Variants in ST7 observed in about 807,000 individuals in gnomAD.
The protein encoded by ST7 is suppression of tumorigenicity 7, also known as suppressor of tumorigenicity 7 protein.
Under a neutral mutation model 78.7 loss-of-function variants are expected in ST7, and 28 were observed. That is an observed-to-expected ratio of 0.36 (90% CI 0.26 to 0.49). The LOEUF is 0.49. Among genes scored for constraint, ST7 ranks in the 20% least tolerant of loss-of-function variants. The pLI is 0.99. For synonymous variants in ST7, 247 were observed against 249.6 expected (o/e 0.99, Z 0.10); for missense variants, 418 against 696.0 (o/e 0.60, Z 4.49).
intron 1 of ST7, among the ~76,000 whole-genome samples, chr7:117,042,467 G>T (rs1042633209): frequency 6.6e-6 from 1 of 152,176 alleles, no homozygotes; most frequent in African/African-American, 2.4e-5. Flanking sequence ...TATTGCCTCT[G>T]TCTGGGCTAG....
intron 9 of ST7, among the ~76,000 whole-genome samples, chr7:117,149,487 T>G (rs1369168928): frequency 1.3e-5 from 2 of 152,034 alleles, no homozygotes; most frequent in Non-Finnish European, 2.9e-5. Context: ...CTGCTCCTAC[T>G]CTGATGGGCT....
At chr7:116,954,556 C>T (rs1045688535) in intron 1 of ST7, 2 of 152,178 alleles carry the variant, frequency 1.3e-5, no homozygotes, top group African/African-American at 4.8e-5. Flanking sequence ...TGGAGCCAGC[C>T]CACTGAGTCG....
chr7:117,228,265 C>T (rs952411223), intron 15 of ST7, among the ~76,000 whole-genome samples: 3 of 152,194 alleles, frequency 2.0e-5, no homozygotes, highest in African/African-American at 7.2e-5. Flanking sequence ...TTGTTTGGGC[C>T]TCTATCCTGA....
At chr7:117,149,681 T>C (rs1390712464) in intron 9 of ST7, among the ~76,000 whole-genome samples, 1 of 151,984 alleles carries the variant, frequency 6.6e-6, no homozygotes, top group East Asian at 1.9e-4. Context: ...GTGGTTTTTT[T>C]GTTTTTCTTA....
At chr7:117,186,476 G>T (rs1480587274) in intron 10 of ST7, among the ~76,000 whole-genome samples, 1 of 152,182 alleles carries the variant, frequency 6.6e-6, no homozygotes, top group Non-Finnish European at 1.5e-5. Context: ...GAGCAGGGCA[G>T]TAACAAGATC....
At chr7:117,114,398 T>C (rs889708352) in intron 2 of ST7, among the ~76,000 whole-genome samples, 1 of 151,802 alleles carries the variant, frequency 6.6e-6, no homozygotes, top group African/African-American at 2.4e-5. Context: ...AGATAATCCC[T>C]TTTGCCAAAA....
chr7:116,978,646 C>T (rs1271337523), intron 1 of ST7, among the ~76,000 whole-genome samples: 2 of 152,142 alleles, frequency 1.3e-5, no homozygotes, highest in Non-Finnish European at 2.9e-5. Flanking sequence ...AGTGCAGTGG[C>T]ATAATCTTGG....
intron 1 of ST7, among the ~76,000 whole-genome samples, chr7:117,054,908 A>G (rs1337287623): frequency 1.3e-5 from 2 of 152,214 alleles, no homozygotes. Context: ...ATGAATTAGG[A>G]ATATTAGGCA....
At chr7:116,978,465 G>A (rs1287890644) in intron 1 of ST7, among the ~76,000 whole-genome samples, 1 of 152,134 alleles carries the variant, frequency 6.6e-6, no homozygotes, top group Non-Finnish European at 1.5e-5. Context: ...TAGGGATAGT[G>A]GGATAAATTA....
At chr7:117,104,604 T>C (rs1338209818) in intron 2 of ST7, among the ~76,000 whole-genome samples, 1 of 152,224 alleles carries the variant, frequency 6.6e-6, no homozygotes, top group Non-Finnish European at 1.5e-5. Context: ...GATCCAGCAA[T>C]TCACTTCTTG....
Position 116,972,903 on chromosome 7 carries a change from C to G in ST7, c.151+19212C>G, listed in dbSNP as rs747886619. The stretch of plus-strand genomic sequence containing the variant: ...CCTTAACCGCCTCGATGGTGGTGAT[C>G]CCAGCCATGGTGCCCACTCAGCTAC... On this transcript the variant is annotated intron_variant, in intron 1 of 15. Coordinates refer to ENST00000323984, the MANE Select transcript of ST7 (RefSeq NM_001369598.1). 7 of 1,335,424 alleles carry G rather than the reference C, an allele frequency of 5.2e-6. No individual in the cohort carries two copies. The East Asian group carries it at 1.6e-4, about 31-fold the overall frequency. The allele number at this position is 1,335,424 out of a possible 1,614,324, so 82.7% of individuals were successfully genotyped here.
In ST7 at chr7:117,221,936, C is replaced by A; in HGVS notation, c.1512C>A (p.Val504=). Residue 504 remains valine (V), a synonymous_variant, in exon 15 of 16, where the codon GTC becomes GTA. Coordinates refer to ENST00000323984, the MANE Select transcript of ST7 (RefSeq NM_001369598.1). ...TCTTCTCCACAGCTTTCCATGAAGT[C>A]TCAGTTTACCCAAAGAAGGAGCTTC... ...DRELLPSFHE[V]SVYPKKELPF... The A allele has an allele frequency of 1.9e-6, 3 of 1,610,544 alleles. No individual in the cohort carries two copies. In the Middle Eastern group the frequency reaches 5.0e-4, roughly 266 times the overall value.
intron 1 of ST7, among the ~76,000 whole-genome samples, chr7:117,067,981 T>G (rs1289099163): frequency 1.3e-5 from 2 of 152,218 alleles, no homozygotes; most frequent in Non-Finnish European, 2.9e-5. Flanking sequence ...TGTTATTTTC[T>G]ATTTCATGCT....
intron 9 of ST7, among the ~76,000 whole-genome samples, chr7:117,144,483 T>A (rs1000909602): frequency 1.1e-4 from 16 of 147,442 alleles, no homozygotes; most frequent in Non-Finnish European, 1.8e-4. Flanking sequence ...AAAAAAAAAA[T>A]TAGTTGGGCA....
intron 1 of ST7, among the ~76,000 whole-genome samples, chr7:117,079,527 C>G (rs1799599133): frequency 1.3e-5 from 2 of 152,118 alleles, no homozygotes; most frequent in Non-Finnish European, 2.9e-5. Flanking sequence ...CTTTTTAAGA[C>G]AGGAGGATTT....
intron 3 of ST7, among the ~76,000 whole-genome samples, chr7:117,127,540 A>T (rs554991727): frequency 6.6e-6 from 1 of 152,096 alleles, no homozygotes; most frequent in South Asian, 2.1e-4. Flanking sequence ...TAAAGGGCAT[A>T]ACTAATGAAG....
intron 1 of ST7, chr7:116,972,640 A>G: frequency 8.2e-7 from 1 of 1,226,788 alleles, no homozygotes; most frequent in Non-Finnish European, 1.2e-6. Flanking sequence ...AATAAACTTC[A>G]TACCTCTCTC....
intron 2 of ST7, among the ~76,000 whole-genome samples, chr7:117,107,114 T>C (rs1052605234): frequency 6.7e-6 from 1 of 149,360 alleles, no homozygotes; most frequent in Non-Finnish European, 1.5e-5. Flanking sequence ...TGTGTATGTG[T>C]ATATATATAT....
intron 1 of ST7, among the ~76,000 whole-genome samples, chr7:116,979,817 C>A (rs1032330738): frequency 6.6e-6 from 1 of 152,076 alleles, no homozygotes; most frequent in Non-Finnish European, 1.5e-5. Flanking sequence ...GGCCTTCTAC[C>A]GTGAGCGCCA....
Sources: gnomAD v4.1 joint callset for allele counts (sites outside exome capture counted in the v4.1 genomes callset) on GRCh38, gnomAD v4.1.1 for gene constraint, MANE v1.5 for transcripts, NCBI Gene and HGNC (gene_info 2026-07-23, HGNC 2026-07-21) for gene names.